ACYP2: variants seen among roughly 807,000 people sequenced by gnomAD.
ACYP2 encodes the protein acylphosphatase-2.
ACYP2 carries 12 observed loss-of-function variants against 11.2 expected under a neutral mutation model. The ratio of observed to expected loss-of-function variants is 1.08; its 90% CI spans 0.69 to 1.74. ACYP2 has a LOEUF of 1.74. Among genes scored for constraint, ACYP2 ranks in the 40% most tolerant of loss-of-function variants. ACYP2 has a pLI of 0.00. For missense variants in ACYP2, 134 were observed against 101.9 expected (o/e 1.31, Z -1.35); for synonymous variants, 43 against 32.2 (o/e 1.33, Z -1.13).
intron 4 of ACYP2, among the ~76,000 whole-genome samples, chr2:54,083,524 G>A (rs896048478): frequency 1.2e-4 from 19 of 152,190 alleles, no homozygotes; most frequent in African/African-American, 4.3e-4. Context: ...AGTTTACAGA[G>A]AACAGCCATT....
At chr2:54,209,817 GA>G (rs1166433389) in intron 6 of ACYP2, among the ~76,000 whole-genome samples, 1 of 151,714 alleles carries the variant, frequency 6.6e-6, no homozygotes, top group Non-Finnish European at 1.5e-5. Context: ...AGCAAGGATG[GA>G]AAAAAACTTA....
intron 2 of ACYP2, among the ~76,000 whole-genome samples, chr2:53,982,861 TG>T (rs1671840055): frequency 6.7e-6 from 1 of 149,828 alleles, no homozygotes; most frequent in Non-Finnish European, 1.5e-5. Context: ...TGTGTGTGTG[TG>T]TGTGTGTGTG....
At chr2:54,092,468 G>C (rs897465994) in intron 4 of ACYP2, among the ~76,000 whole-genome samples, 12 of 152,160 alleles carry the variant, frequency 7.9e-5, no homozygotes, top group African/African-American at 2.7e-4. Context: ...ATCAGCCTTG[G>C]AACAGGGTTG....
At chr2:54,152,248 G>A (rs1237887161) in intron 6 of ACYP2, among the ~76,000 whole-genome samples, 1 of 151,314 alleles carries the variant, frequency 6.6e-6, no homozygotes, top group Admixed American at 6.6e-5. Context: ...CTCCTGAGTA[G>A]CTGGGACTAA....
At chr2:54,218,494 C>T (rs939793707) in intron 6 of ACYP2, among the ~76,000 whole-genome samples, 3 of 152,150 alleles carry the variant, frequency 2.0e-5, no homozygotes, top group African/African-American at 7.2e-5. Context: ...CAGCATGATA[C>T]TAAACATTGA....
rs369128425 is a variant in ACYP2, at chr2:54,036,026, T to C, written c.63-14932T>C. Among the ~76,000 whole-genome samples the C allele has an allele frequency of 4.6e-5, 7 of 152,298 alleles. No homozygotes were observed. The East Asian group carries it at 1.2e-3, about 25-fold the overall frequency. On this transcript the variant is annotated intron_variant, in intron 2 of 6. Coordinates refer to ENST00000607452, the MANE Select transcript of ACYP2 (RefSeq NM_001320586.2). ...GCCTAGGTAAACATATAGACAAAAC[T>C]GGCAGTACCTCTCCAAGCTTAGAGT... is the stretch of plus-strand genomic sequence containing the variant.
intron 6 of ACYP2, among the ~76,000 whole-genome samples, chr2:54,245,811 G>A (rs1468831000): frequency 1.3e-5 from 2 of 151,704 alleles, no homozygotes; most frequent in African/African-American, 4.8e-5. Context: ...CCATTCTACA[G>A]GTTGCCTTTT....
intron 2 of ACYP2, among the ~76,000 whole-genome samples, chr2:53,987,624 T>C (rs1324695131): frequency 6.6e-6 from 1 of 152,198 alleles, no homozygotes; most frequent in East Asian, 1.9e-4. Flanking sequence ...AGCAATCCGG[T>C]TTCTCTGCCA....
At chr2:54,186,798 G>T (rs768681281) in intron 6 of ACYP2, among the ~76,000 whole-genome samples, 8 of 152,080 alleles carry the variant, frequency 5.3e-5, no homozygotes, top group Non-Finnish European at 1.2e-4. Context: ...ACAGGTGTGA[G>T]CCACCGTACC....
intron 6 of ACYP2, among the ~76,000 whole-genome samples, chr2:54,155,183 T>A (rs1682374576): frequency 6.6e-6 from 1 of 152,126 alleles, no homozygotes; most frequent in South Asian, 2.1e-4. Flanking sequence ...TCTTTTCACT[T>A]TTTTTTCTAG....
At chr2:54,230,334 C>G (rs1649853193) in intron 6 of ACYP2, among the ~76,000 whole-genome samples, 1 of 152,120 alleles carries the variant, frequency 6.6e-6, no homozygotes, top group Non-Finnish European at 1.5e-5. Context: ...TTGGTCTCCA[C>G]AATCCTTTAC....
chr2:54,032,607 A>G (rs946573366), intron 2 of ACYP2, among the ~76,000 whole-genome samples: 5 of 152,188 alleles, frequency 3.3e-5, no homozygotes, highest in African/African-American at 1.2e-4. Context: ...TTGGCAATTC[A>G]GGCTCTTTTT....
rs146885377 is a variant in ACYP2 at position 54,009,311 on chromosome 2, C to T, written c.62+35501C>T. On this transcript the variant is annotated intron_variant, in intron 2 of 6. Transcript: ENST00000607452. Reference sequence around the variant, plus strand: ...CAGTGGCTCACACCTGTAATCCCAGCGCTTTTGGAGGCCAAGGTTGACAGA... The same window carrying T: ...CAGTGGCTCACACCTGTAATCCCAGTGCTTTTGGAGGCCAAGGTTGACAGA... Among the ~76,000 whole-genome samples the T allele has an allele frequency of 2.2e-3, 335 of 152,108 alleles. 1 individual carries two copies. Among genetic ancestry groups the T allele is most frequent in the African/African-American group, 7.3e-3 (304 of 41,500 alleles).
At chr2:54,261,633 G>A (rs1483736259) in intron 6 of ACYP2, among the ~76,000 whole-genome samples, 2 of 152,128 alleles carry the variant, frequency 1.3e-5, no homozygotes, top group Admixed American at 1.3e-4. Context: ...TTCTTTTTCA[G>A]TTCTTGTTTT....
chr2:54,119,068 T>TTTTTTG, intron 4 of ACYP2, among the ~76,000 whole-genome samples: 1 of 142,020 alleles, frequency 7.0e-6, no homozygotes, highest in Non-Finnish European at 1.5e-5. Context: ...TTTTTTTTTT[T>TTTTTTG]TTTTTTTTTT....
intron 6 of ACYP2, among the ~76,000 whole-genome samples, chr2:54,283,050 A>G (rs1168198504): frequency 6.6e-6 from 1 of 152,204 alleles, no homozygotes; most frequent in African/African-American, 2.4e-5. Flanking sequence ...AGCATGGTTG[A>G]TTTGAAATTT....
intron 4 of ACYP2, among the ~76,000 whole-genome samples, chr2:54,091,345 G>T (rs1413950312): frequency 6.6e-6 from 1 of 152,046 alleles, no homozygotes; most frequent in African/African-American, 2.4e-5. Context: ...ATGGAAAAAA[G>T]ATGAGAAAAA....
At chr2:54,082,615 A>T (rs571039692) in intron 4 of ACYP2, 9 of 152,366 alleles carry the variant, frequency 5.9e-5, no homozygotes, top group South Asian at 2.1e-4. Context: ...ATCAATTTTT[A>T]AACCATTTCT....
chr2:54,034,299 G>C (rs149390526), intron 2 of ACYP2, among the ~76,000 whole-genome samples: 153 of 152,164 alleles, frequency 1.0e-3, no homozygotes, highest in Middle Eastern at 6.8e-3. Context: ...CGGAGGTTGC[G>C]GTGAGCCGGG....
Sources: gnomAD v4.1 joint callset for allele counts (sites outside exome capture counted in the v4.1 genomes callset) on GRCh38, gnomAD v4.1.1 for gene constraint, MANE v1.5 for transcripts, NCBI Gene and HGNC (gene_info 2026-07-23, HGNC 2026-07-21) for gene names.